The following ALS2CL variants were observed in gnomAD, a reference collection of about 807,000 sequenced individuals.
ALS2CL encodes the protein ALS2 C-terminal like.
Under a neutral mutation model 127.9 loss-of-function variants are expected in ALS2CL, and 112 were observed. That is an observed-to-expected ratio of 0.88 (90% CI 0.75 to 1.02). The LOEUF is 1.02. ALS2CL is among the 50% of genes least tolerant of loss of function. The pLI is 0.00. For missense variants in ALS2CL, 1,174 were observed against 1,236.7 expected (o/e 0.95, Z 0.76); for synonymous variants, 519 against 527.6 (o/e 0.98, Z 0.22).
At chr3:46,678,717 G>A (rs1265879684) in intron 15 of ALS2CL, among the ~76,000 whole-genome samples, 12 of 152,362 alleles carry the variant, frequency 7.9e-5, no homozygotes, top group African/African-American at 7.2e-5. Context: ...GACAGGCAAC[G>A]CCTGAGGAGG....
In ALS2CL at chr3:46,686,099, C is replaced by T. The variant is rs998290586; in HGVS notation, c.666+209G>A. Among the ~76,000 whole-genome samples the T allele has an allele frequency of 6.6e-6, 1 of 152,148 alleles. No individual in the cohort carries two copies. The highest frequency in any genetic ancestry group is 1.5e-5 in the Non-Finnish European group (1 of 68,026). On this transcript the variant is annotated intron_variant, in intron 6 of 25. Transcript: ENST00000318962. This position sits in a 1 kb window ranked among gnomAD's most constrained non-coding sequence, Gnocchi z 4.3. The stretch of plus-strand genomic sequence containing the variant: ...TCTGCTGATTGCCTCTTCCCTAGGC[C>T]GGGTCAGGGCCTGGCCCAGGACGTG...
In ALS2CL at chr3:46,674,482, A is replaced by T; in HGVS notation, c.2429+84T>A. 3 of 1,525,726 alleles carry T rather than the reference A, an allele frequency of 2.0e-6. No homozygotes were observed. The South Asian group carries it at 3.8e-5, about 19-fold the overall frequency. 94.5% of individuals were successfully genotyped at this position (1,525,726 alleles called of 1,614,324 possible). ...ACTTGGTGGGTACATGAACCTATCA[A>T]CCCCAGCCCCACCTTTTGGCTGAAG... On this transcript the variant is annotated intron_variant, in intron 21 of 25. Coordinates refer to ENST00000318962, the MANE Select transcript of ALS2CL (RefSeq NM_147129.5).
At chr3:46,675,460 C>A (rs1698737089) in intron 20 of ALS2CL, 158 bp downstream of exon 20, 2 of 689,898 alleles carry the variant, frequency 2.9e-6, no homozygotes, top group Non-Finnish European at 4.9e-6. Flanking sequence ...GGTCATGGGT[C>A]ATTCTAATCC....
At chr3:46,678,518 C>A (rs539432980) in intron 15 of ALS2CL, 129 bp from the exon 16 acceptor site, 1 of 1,256,450 alleles carries the variant, frequency 8.0e-7, no homozygotes, top group African/African-American at 1.5e-5. Flanking sequence ...TCCCGCCATC[C>A]ATTCAAGCTG....
At chr3:46,679,393 G>T in intron 14 of ALS2CL, 106 bp from the exon 15 acceptor site, 3 of 964,458 alleles carry the variant, frequency 3.1e-6, no homozygotes, top group Non-Finnish European at 4.7e-6. Context: ...CCTGACACAT[G>T]GCGAGAGGGG....
rs1466470819 is a variant in ALS2CL at position 46,686,163 on chromosome 3, T to C, written c.666+145A>G. 1 of 1,269,894 alleles carries C rather than the reference T, an allele frequency of 7.9e-7. No homozygotes were observed. The highest frequency in any genetic ancestry group is 1.1e-6 in the Non-Finnish European group (1 of 940,956). The allele number at this position is 1,269,894 out of a possible 1,614,324, so 78.7% of individuals were successfully genotyped here. ...TAAGAATGGCTGGACAGAGGGACCT[T>C]ACAGCCACCTGCTTCAGCCATCACT... On this transcript the variant is annotated intron_variant, in intron 6 of 25. Transcript: ENST00000318962. This position sits in a 1 kb window ranked among gnomAD's most constrained non-coding sequence, Gnocchi z 4.3.
chr3:46,683,298 G>C lies in ALS2CL; in HGVS notation c.941C>G (p.Ala314Gly). ...QAVWQWKVTW[A>G]VHQALHGKKD... ...CTTCCCATGCAGGGCCTGGTGAACA[G>C]CCCAGGTCACCTTCCACTGCCAGAC... Residue 314 changes from alanine (A) to glycine (G), a missense_variant, in exon 10 of 26, where the codon GCT (alanine) becomes GGT (glycine). Transcript: ENST00000318962. The C allele has an allele frequency of 6.3e-7, 1 of 1,596,346 alleles. No homozygotes were observed. The highest frequency in any genetic ancestry group is 1.7e-5 in the Admixed American group (1 of 57,746).
chr3:46,683,142 C>T lies in ALS2CL; in HGVS notation c.1097G>A (p.Arg366Gln), dbSNP rs1265750462. 38 of 1,575,686 alleles carry T rather than the reference C, an allele frequency of 2.4e-5. No individual in the cohort carries two copies. Among genetic ancestry groups the T allele is most frequent in the Middle Eastern group, 1.9e-4 (1 of 5,404 alleles). Residue 366 changes from arginine to glutamine, a missense_variant, in exon 10 of 26, where the codon CGG (arginine) becomes CAG (glutamine). Physicochemically the swap from Arg to Gln is conservative, Grantham distance 43 (BLOSUM62 1). Transcript: ENST00000318962. ...TCCAGCCACTCACTTGCCGTGGGGC[C>T]GGCCCCTGCACCACTCGCCCTCGTA... ...ATYEGEWCRG[R>Q]PHGKGTLKWP... is the part of the protein sequence containing the mutation.
chr3:46,685,447 C>T (rs1699687372), intron 7 of ALS2CL, 78 bp downstream of exon 7: 2 of 1,575,918 alleles, frequency 1.3e-6, no homozygotes, highest in East Asian at 2.3e-5. Flanking sequence ...CAGCAGCATG[C>T]CCCTTTACTG....
chr3:46,685,874 C>T (rs111299966), intron 6 of ALS2CL, among the ~76,000 whole-genome samples: 4 of 152,320 alleles, frequency 2.6e-5, no homozygotes, highest in Non-Finnish European at 5.9e-5. Context: ...CCAGCCATGC[C>T]CCTATCAGTC....
chr3:46,686,589 G>A lies in ALS2CL; in HGVS notation c.535-150C>T. The A allele has an allele frequency of 8.5e-7, 1 of 1,182,262 alleles. No homozygotes were observed. Among genetic ancestry groups the A allele is most frequent in the Non-Finnish European group, 1.2e-6 (1 of 857,658 alleles). 73.2% of individuals were successfully genotyped at this position (1,182,262 alleles called of 1,614,324 possible). A position where few individuals can be genotyped will look rare whatever the true frequency, so the allele number is the denominator to read the frequency against. ...TCCTCTTCTGCTGGTGGGGCAGGGG[G>A]TGGAATATGAAGGTGCTTCCCCAGC... On this transcript the variant is annotated intron_variant, in intron 5 of 25. Transcript: ENST00000318962. This position sits in a 1 kb window ranked among gnomAD's most constrained non-coding sequence, Gnocchi z 4.3.
intron 9 of ALS2CL, among the ~76,000 whole-genome samples, chr3:46,683,552 A>G (rs767297780): frequency 1.3e-5 from 2 of 152,056 alleles, no homozygotes; most frequent in Non-Finnish European, 2.9e-5. Context: ...GCCAAACAAG[A>G]CCTCAGGGCA....
intron 6 of ALS2CL, among the ~76,000 whole-genome samples, 174 bp from the exon 7 acceptor site, chr3:46,685,818 T>C (rs527765869): frequency 6.6e-6 from 1 of 152,244 alleles, no homozygotes; most frequent in East Asian, 1.9e-4. Flanking sequence ...CATTCCTGGC[T>C]CTCTTGAAGC....
chr3:46,674,120 G>A (rs1698620872), intron 21 of ALS2CL, among the ~76,000 whole-genome samples: 1 of 152,208 alleles, frequency 6.6e-6, no homozygotes, highest in South Asian at 2.1e-4. Flanking sequence ...CAGCCCAAGT[G>A]CTCAGAGCAG....
rs1698847954 is a variant in ALS2CL at position 46,676,632 on chromosome 3, G to C, written c.2028+10C>G. ...TGTCACCCCCTTGGCCACCCCAGCAGGGCTCTCACCTTCCTGAGGTACAGC... is the reference window on the plus strand; with the variant it reads ...TGTCACCCCCTTGGCCACCCCAGCACGGCTCTCACCTTCCTGAGGTACAGC... On this transcript the variant is annotated intron_variant, in intron 18 of 25. Coordinates refer to ENST00000318962, the MANE Select transcript of ALS2CL (RefSeq NM_147129.5). 1.2e-6 allele frequency: 2 copies of C among 1,612,538 alleles called. No individual in the cohort carries two copies. Among genetic ancestry groups the C allele is most frequent in the Non-Finnish European group, 1.7e-6 (2 of 1,179,544 alleles).
intron 6 of ALS2CL, among the ~76,000 whole-genome samples, chr3:46,685,986 G>A (rs1488207618): frequency 6.6e-6 from 1 of 152,186 alleles, no homozygotes; most frequent in African/African-American, 2.4e-5. Context: ...GGGCACAGGG[G>A]ACTCTCCTCC....
At chr3:46,685,667 A>G (rs1699708586) in intron 6 of ALS2CL, 23 bp from the exon 7 acceptor site, 2 of 1,607,446 alleles carry the variant, frequency 1.2e-6, no homozygotes, top group African/African-American at 2.7e-5. Flanking sequence ...AGAGGACAGT[A>G]CAAGGCTTAG....
Position 46,671,482 on chromosome 3 carries a change from C to T in ALS2CL, c.2781+6G>A, listed in dbSNP as rs758648915. ...TCCACCTCGGTCCACAGCCCCTGTC[C>T]CTTACCTCCAGGGCTGTGAGCAGGA... On this transcript the variant is annotated splice_donor_region_variant and intron_variant, in intron 25 of 25. Transcript: ENST00000318962. The T allele has an allele frequency of 1.2e-6, 2 of 1,613,988 alleles. No individual in the cohort carries two copies. The highest frequency in any genetic ancestry group is 2.2e-5 in the South Asian group (2 of 91,070).
In ALS2CL at chr3:46,676,758, T is replaced by A. The variant is rs370059434; in HGVS notation, c.1932-20A>T. On this transcript the variant is annotated intron_variant, in intron 17 of 25. Coordinates refer to ENST00000318962, the MANE Select transcript of ALS2CL (RefSeq NM_147129.5). ...TGGGTCCTGGGCACCACACACAGCA[T>A]CCCTCACCCACACCTCGGCCCAGCC... 1 of 1,613,070 alleles carries A rather than the reference T, an allele frequency of 6.2e-7. No homozygotes were observed. Among genetic ancestry groups the A allele is most frequent in the Non-Finnish European group, 8.5e-7 (1 of 1,179,700 alleles).
Sources: allele counts gnomAD v4.1 joint callset (sites outside exome capture counted in the v4.1 genomes callset), GRCh38; gene constraint gnomAD v4.1.1; non-coding constraint Gnocchi (gnomAD v3.1); transcripts MANE v1.5; gene names NCBI Gene and HGNC (gene_info 2026-07-23, HGNC 2026-07-21).